TMPRSS12: variants seen among roughly 807,000 people sequenced by gnomAD.
TMPRSS12 encodes transmembrane serine protease 12.
A neutral mutation model predicts 26.0 loss-of-function variants in TMPRSS12; 25 were observed. The ratio of observed to expected loss-of-function variants is 0.96; its 90% CI spans 0.70 to 1.34. TMPRSS12 has a LOEUF of 1.34. Ranked by LOEUF, TMPRSS12 falls within the 40% of genes most tolerant of loss-of-function variation. The probability of loss-of-function intolerance (pLI) is 0.00; values close to 1 mark genes in which losing one functional copy is unlikely to be tolerated. For missense variants in TMPRSS12, 441 were observed against 440.1 expected (o/e 1.00, Z -0.02); for synonymous variants, 150 against 161.7 (o/e 0.93, Z 0.55).
Position 50,858,940 on chromosome 12 carries a change from C to A in TMPRSS12, c.539C>A (p.Ala180Glu), listed in dbSNP as rs1184150160. Residue 180 changes from alanine to glutamate, a missense_variant, in exon 3 of 5, where the codon GCA becomes GAA. Physicochemically the swap from Ala to Glu is moderately radical, Grantham distance 107. Transcript: ENST00000398458. The part of the protein sequence containing the change: ...NDIALFHLKK[A>E]VRYNDYIQPI... ...ATTGCACTTTTTCACTTAAAAAAAGCAGTGAGGTATAATGACTATATTCAG... is the reference window on the plus strand; with the variant it reads ...ATTGCACTTTTTCACTTAAAAAAAGAAGTGAGGTATAATGACTATATTCAG... The A allele has an allele frequency of 6.3e-7, 1 of 1,588,940 alleles. No homozygotes were observed. The highest frequency in any genetic ancestry group is 1.3e-5 in the African/African-American group (1 of 74,536).
In TMPRSS12 at chr12:50,843,915, C is replaced by T. The variant is rs1309304663; in HGVS notation, c.261C>T (p.Gly87=). Residue 87 remains glycine (G), a synonymous_variant, in exon 2 of 5, where the codon GGC becomes GGT. Transcript: ENST00000398458. The stretch of plus-strand genomic sequence containing the variant: ...TAGGGGGCACCGAAGCACAAGCTGG[C>T]GCATGGCCGTGGGTGGTGAGCCTGC... ...RIIGGTEAQA[G]AWPWVVSLQI... is the part of the protein sequence containing the mutation. 1 of 1,582,686 alleles carries T rather than the reference C, an allele frequency of 6.3e-7. No homozygotes were observed. The highest frequency in any genetic ancestry group is 1.2e-5 in the South Asian group (1 of 86,574).
At position 50,885,258 on chromosome 12, in the gene TMPRSS12, A is replaced by T; in HGVS notation, c.665A>T (p.Asn222Ile). ...GRTKEEGNATNILQDAEVHYI... is the reference protein window; with the variant it reads ...GRTKEEGNATIILQDAEVHYI... Reference sequence around the variant, plus strand: ...TTTTTGTTAACAGGTAACGCTACAAATATTTTACAAGATGCAGAAGTGCAT... The same window carrying T: ...TTTTTGTTAACAGGTAACGCTACAATTATTTTACAAGATGCAGAAGTGCAT... The change falls in exon 4 of 5, where the codon AAT becomes ATT. Residue 222 changes from asparagine to isoleucine, a missense_variant. Coordinates refer to ENST00000398458, the MANE Select transcript of TMPRSS12 (RefSeq NM_182559.3). 1 of 1,597,246 alleles carries T rather than the reference A, an allele frequency of 6.3e-7. No individual in the cohort carries two copies. The highest frequency in any genetic ancestry group is 1.1e-5 in the South Asian group (1 of 87,616).
rs370880329 is a variant in TMPRSS12 at position 50,873,886 on chromosome 12, A to T, written c.653-11360A>T. ...AAAGGCAGGTATTTCAGGAGGGGTG[A>T]TCAGAGTCAAACTGGTTTCAGGTCC... On this transcript the variant is annotated intron_variant, in intron 3 of 4. Coordinates refer to ENST00000398458, the MANE Select transcript of TMPRSS12 (RefSeq NM_182559.3). 8.5e-5 allele frequency among the ~76,000 whole-genome samples: 13 copies of T among 152,306 alleles called. No homozygotes were observed. The East Asian group carries it at 2.3e-3, about 27-fold the overall frequency.
Position 50,842,990 on chromosome 12 carries a change from C to G in TMPRSS12, c.26C>G (p.Ala9Gly). 6.3e-7 allele frequency: 1 copy of G among 1,598,818 alleles called. No individual in the cohort carries two copies. The highest frequency in any genetic ancestry group is 8.5e-7 in the Non-Finnish European group (1 of 1,172,472). The change falls in exon 1 of 5, where the codon GCG becomes GGG. Residue 9 changes from alanine to glycine, a missense_variant. By Grantham distance (60) the Ala-to-Gly change is moderately conservative. Transcript: ENST00000398458. Reference sequence around the variant, plus strand: ...ATGCGGCTGGGGCTCCTGAGCGTGGCGCTGTTGTTTGTGGGGAGCTCTCAC... The same window carrying G: ...ATGCGGCTGGGGCTCCTGAGCGTGGGGCTGTTGTTTGTGGGGAGCTCTCAC... Reference protein sequence around the residue: MRLGLLSVALLFVGSSHLY... With the variant: MRLGLLSVGLLFVGSSHLY...
In TMPRSS12 at chr12:50,873,690, G is replaced by A. The variant is rs889425376; in HGVS notation, c.653-11556G>A. ...GGTAACATATCTGGAGAAAATTTTTGGATGTTAAAACTGGGCAAGCGGATA... is the reference window on the plus strand; with the variant it reads ...GGTAACATATCTGGAGAAAATTTTTAGATGTTAAAACTGGGCAAGCGGATA... On this transcript the variant is annotated intron_variant, in intron 3 of 4. Coordinates refer to ENST00000398458, the MANE Select transcript of TMPRSS12 (RefSeq NM_182559.3). Among the ~76,000 whole-genome samples, 6 of 152,158 alleles carry A rather than the reference G, an allele frequency of 3.9e-5. No individual in the cohort carries two copies. In the East Asian group the frequency reaches 1.2e-3, roughly 29 times the overall value.
At chr12:50,876,485 G>C (rs1938113866) in intron 3 of TMPRSS12, among the ~76,000 whole-genome samples, 1 of 152,176 alleles carries the variant, frequency 6.6e-6, no homozygotes, top group African/African-American at 2.4e-5. Context: ...GCAAAGACAT[G>C]GAATCAACCA....
intron 1 of TMPRSS12, among the ~76,000 whole-genome samples, chr12:50,843,516 C>T (rs1383322110): frequency 6.6e-6 from 1 of 152,178 alleles, no homozygotes. Flanking sequence ...CGGCTCTCGA[C>T]TCACCGTTCC....
At chr12:50,879,784 A>G (rs780086151) in intron 3 of TMPRSS12, among the ~76,000 whole-genome samples, 1 of 152,158 alleles carries the variant, frequency 6.6e-6, no homozygotes, top group Non-Finnish European at 1.5e-5. Flanking sequence ...CCTGGGCAAC[A>G]TGGCAAAACC....
rs1269827560 is a variant in TMPRSS12, at chr12:50,887,396, A to G, written c.930A>G (p.Gln310=). ...TCTATATTGGGCCATCCTTCTACCA[A>G]AAGTGGCTGACAGAGCATTTCTTCC... is the stretch of plus-strand genomic sequence containing the variant. ...PGVYIGPSFY[Q]KWLTEHFFHA... is the part of the protein sequence containing the mutation. Residue 310 remains glutamine, a synonymous_variant, in exon 5 of 5, where the codon CAA becomes CAG. Coordinates refer to ENST00000398458, the MANE Select transcript of TMPRSS12 (RefSeq NM_182559.3). 2 of 1,613,868 alleles carry G rather than the reference A, an allele frequency of 1.2e-6. No homozygotes were observed. Among genetic ancestry groups the G allele is most frequent in the African/African-American group, 1.3e-5 (1 of 74,924 alleles).
rs1054878378 is a variant in TMPRSS12 at position 50,883,539 on chromosome 12, C to T, written c.653-1707C>T. Among the ~76,000 whole-genome samples, 12 of 151,940 alleles carry T rather than the reference C, an allele frequency of 7.9e-5. No homozygotes were observed. In the East Asian group the frequency reaches 2.1e-3, roughly 27 times the overall value. ...ACTCTACAAAAAATTTAAAAATTAG[C>T]TGGGTGTGGTGGTACACACCTGTAA... On this transcript the variant is annotated intron_variant, in intron 3 of 4. Transcript: ENST00000398458.
intron 3 of TMPRSS12, among the ~76,000 whole-genome samples, chr12:50,870,705 A>G (rs989643734): frequency 2.6e-5 from 4 of 152,164 alleles, no homozygotes; most frequent in Admixed American, 6.5e-5. Flanking sequence ...TGAAAACCCT[A>G]AAGACTCCTC....
intron 2 of TMPRSS12, among the ~76,000 whole-genome samples, chr12:50,850,273 G>C (rs1405240513): frequency 6.6e-6 from 1 of 152,072 alleles, no homozygotes; most frequent in East Asian, 1.9e-4. Flanking sequence ...CATGAGATCT[G>C]TTTGTTTCAT....
chr12:50,883,972 G>A (rs1042553643), intron 3 of TMPRSS12, among the ~76,000 whole-genome samples: 2 of 152,054 alleles, frequency 1.3e-5, no homozygotes, highest in African/African-American at 4.8e-5. Flanking sequence ...TGCACTCTGG[G>A]ACCCAGGCAA....
chr12:50,857,808 C>T (rs61932612), intron 2 of TMPRSS12, among the ~76,000 whole-genome samples: 37,171 of 146,806 alleles, frequency 0.25, 5,247 homozygotes, highest in Non-Finnish European at 0.33. Flanking sequence ...TTGTTGTTGT[C>T]GTTGTTGTCG....
intron 3 of TMPRSS12, among the ~76,000 whole-genome samples, chr12:50,862,823 G>A (rs564359828): frequency 1.3e-5 from 2 of 151,866 alleles, no homozygotes; most frequent in African/African-American, 2.4e-5. Flanking sequence ...CCCTGCACCC[G>A]CCTTGTTCTT....
intron 2 of TMPRSS12, among the ~76,000 whole-genome samples, chr12:50,849,970 T>A (rs761479981): frequency 3.0e-4 from 45 of 152,212 alleles, no homozygotes; most frequent in Middle Eastern, 3.4e-3. Context: ...GTTTTTCTTT[T>A]TCCAGAGTGC....
At chr12:50,863,179 A>G (rs1937954865) in intron 3 of TMPRSS12, among the ~76,000 whole-genome samples, 1 of 152,152 alleles carries the variant, frequency 6.6e-6, no homozygotes, top group Non-Finnish European at 1.5e-5. Context: ...TCCAGACAAA[A>G]AAAGGAAGCT....
At chr12:50,866,759 TGCTGGTATTCAC>T (rs1284514404) in intron 3 of TMPRSS12, among the ~76,000 whole-genome samples, 2 of 151,966 alleles carry the variant, frequency 1.3e-5, no homozygotes, top group Non-Finnish European at 2.9e-5. Flanking sequence ...CTGGAACAGG[TGCTGGTATTCAC>T]GGCCGAGAGA....
intron 1 of TMPRSS12, 73 bp downstream of exon 1, chr12:50,843,224 G>T: frequency 2.1e-6 from 3 of 1,415,246 alleles, no homozygotes; most frequent in Non-Finnish European, 1.8e-6. Flanking sequence ...TTTGAATTCG[G>T]GTTTCTCCTT....
Sources: allele counts gnomAD v4.1 joint callset (sites outside exome capture counted in the v4.1 genomes callset), GRCh38; gene constraint gnomAD v4.1.1; transcripts MANE v1.5; gene names NCBI Gene and HGNC (gene_info 2026-07-23, HGNC 2026-07-21).